The following SATB2 variants were observed in gnomAD, a reference collection of about 807,000 sequenced individuals.
The protein encoded by SATB2 is SATB homeobox 2.
Under a neutral mutation model 73.4 loss-of-function variants are expected in SATB2, and 1 was observed. That is an observed-to-expected ratio of 0.01 (90% CI 0.00 to 0.06). The LOEUF (loss-of-function observed/expected upper bound fraction) is 0.06, where lower values mean the gene tolerates loss of function less well. Among genes scored for constraint, SATB2 ranks in the 10% least tolerant of loss-of-function variants. The probability of loss-of-function intolerance (pLI) is 1.00; values close to 1 mark genes in which losing one functional copy is unlikely to be tolerated. For missense variants in SATB2, 459 were observed against 945.8 expected, an observed-to-expected ratio of 0.49 and a Z score of 6.75; for synonymous variants, 397 against 367.0, an observed-to-expected ratio of 1.08 and a Z score of -0.93.
At chr2:199,351,153 T>C (rs1688806673) in intron 6 of SATB2, among the ~76,000 whole-genome samples, 1 of 151,598 alleles carries the variant, frequency 6.6e-6, no homozygotes, top group African/African-American at 2.4e-5. Context: ...CCTTACAATG[T>C]TTGCTTGCTT....
upstream of SATB2, among the ~76,000 whole-genome samples, chr2:199,469,158 G>A (rs916050626): frequency 3.3e-5 from 5 of 152,216 alleles, no homozygotes; most frequent in South Asian, 4.1e-4. Context: ...GAGGGTGAAG[G>A]AGGAGGGGAG....
chr2:199,454,021 CAAGAT>C (rs1692203663), intron 2 of SATB2, among the ~76,000 whole-genome samples: 1 of 151,922 alleles, frequency 6.6e-6, no homozygotes, highest in African/African-American at 2.4e-5. Context: ...TATTCTTCAC[CAAGAT>C]AATAATTTTA....
At chr2:199,425,982 C>T (rs1465516969) in intron 3 of SATB2, among the ~76,000 whole-genome samples, 5 of 152,088 alleles carry the variant, frequency 3.3e-5, no homozygotes, top group African/African-American at 9.7e-5. Flanking sequence ...TTTTACATTG[C>T]GGCCTATCCA....
At chr2:199,448,226 GTAA>G (rs938967891) in intron 2 of SATB2, among the ~76,000 whole-genome samples, 9 of 152,046 alleles carry the variant, frequency 5.9e-5, no homozygotes, top group Admixed American at 4.6e-4. Flanking sequence ...TTCCTTATAT[GTAA>G]TAATAATTGA....
At chr2:199,391,797 T>C (rs1690151113) in intron 3 of SATB2, among the ~76,000 whole-genome samples, 1 of 152,128 alleles carries the variant, frequency 6.6e-6, no homozygotes, top group Admixed American at 6.5e-5. Flanking sequence ...CAATGGCCTA[T>C]TTGAGCCCCA....
intron 3 of SATB2, among the ~76,000 whole-genome samples, chr2:199,415,008 C>A (rs1177386301): frequency 1.3e-5 from 2 of 151,970 alleles, no homozygotes; most frequent in Non-Finnish European, 2.9e-5. Flanking sequence ...GTTCAGGTTG[C>A]AAAACATCGG....
At chr2:199,377,405 A>T (rs1689637703) in intron 5 of SATB2, among the ~76,000 whole-genome samples, 1 of 152,116 alleles carries the variant, frequency 6.6e-6, no homozygotes, top group South Asian at 2.1e-4. Context: ...CAAACAAAAA[A>T]CAACAAAACA....
intron 3 of SATB2, among the ~76,000 whole-genome samples, chr2:199,383,351 G>C (rs1169154380): frequency 6.6e-6 from 1 of 152,174 alleles, no homozygotes; most frequent in Non-Finnish European, 1.5e-5. Context: ...GTCATGAAAT[G>C]AACATCCAGG....
chr2:199,422,091 G>A (rs1052116031), intron 3 of SATB2, among the ~76,000 whole-genome samples: 8 of 152,162 alleles, frequency 5.3e-5, no homozygotes, highest in African/African-American at 1.4e-4. Context: ...CGGTTACGTA[G>A]TATTAAAATT....
chr2:199,306,589 T>G (rs1183841851), intron 10 of SATB2, among the ~76,000 whole-genome samples: 1 of 152,226 alleles, frequency 6.6e-6, no homozygotes, highest in Non-Finnish European at 1.5e-5. Context: ...GATTCATGCT[T>G]AGCCATTAAA....
At chr2:199,417,036 TCACACACA>T (rs55763647) in intron 3 of SATB2, among the ~76,000 whole-genome samples, 20 of 144,274 alleles carry the variant, frequency 1.4e-4, no homozygotes, top group East Asian at 4.2e-4. Flanking sequence ...ACTCCGTCTC[TCACACACA>T]CACACACACA....
rs557113288 is a variant in SATB2 at position 199,389,566 on chromosome 2, C to G, written c.347-7746G>C. ...AAAATAAACACTGAACATATACTGT[C>G]ATATGAATTTATCTAAAAATCAAGA... On this transcript the variant is annotated intron_variant, in intron 3 of 10. Transcript: ENST00000417098. 7.2e-5 allele frequency among the ~76,000 whole-genome samples: 11 copies of G among 152,208 alleles called. No individual in the cohort carries two copies. The East Asian group carries it at 1.9e-3, about 27-fold the overall frequency.
chr2:199,353,309 G>A (rs973649473), intron 6 of SATB2, among the ~76,000 whole-genome samples: 1 of 151,256 alleles, frequency 6.6e-6, no homozygotes, highest in East Asian at 1.9e-4. Flanking sequence ...CATGTGCCAC[G>A]GTGCCCAGCT....
chr2:199,355,621 T>C (rs1688959475), intron 6 of SATB2, among the ~76,000 whole-genome samples: 1 of 152,030 alleles, frequency 6.6e-6, no homozygotes, highest in Non-Finnish European at 1.5e-5. Context: ...GCCTGGGTTA[T>C]AACTAGATGA....
At chr2:199,301,063 A>G (rs1687275670) in intron 10 of SATB2, among the ~76,000 whole-genome samples, 1 of 152,270 alleles carries the variant, frequency 6.6e-6, no homozygotes, top group Non-Finnish European at 1.5e-5. Context: ...AAAAAAATAC[A>G]TTAGCAGAAC....
At chr2:199,355,318 A>AAGGATG (rs1350698133) in intron 6 of SATB2, among the ~76,000 whole-genome samples, 20 of 122,552 alleles carry the variant, frequency 1.6e-4, no homozygotes, top group Admixed American at 1.6e-4. Context: ...ATGTATATAC[A>AAGGATG]TATGTATGTG....
chr2:199,379,930 C>T (rs1353493998), intron 5 of SATB2, among the ~76,000 whole-genome samples: 1 of 151,696 alleles, frequency 6.6e-6, no homozygotes, highest in East Asian at 1.9e-4. Flanking sequence ...GTCACCCAGG[C>T]TAGAGTACAG....
At chr2:199,300,928 A>G (rs998707470) in intron 10 of SATB2, among the ~76,000 whole-genome samples, 31 of 152,068 alleles carry the variant, frequency 2.0e-4, no homozygotes, top group African/African-American at 7.0e-4. Context: ...GCGGTGTGTT[A>G]TGGAGGTCCA....
chr2:199,393,888 G>GA (rs987862189), intron 3 of SATB2, among the ~76,000 whole-genome samples: 5 of 149,812 alleles, frequency 3.3e-5, no homozygotes, highest in Admixed American at 6.7e-5. Flanking sequence ...CAGATCAACC[G>GA]AAAAAAAAAT....
Sources: gnomAD v4.1 joint callset for allele counts (sites outside exome capture counted in the v4.1 genomes callset) on GRCh38, gnomAD v4.1.1 for gene constraint, MANE v1.5 for transcripts, NCBI Gene and HGNC (gene_info 2026-07-23, HGNC 2026-07-21) for gene names.